Variants in CSMD1 observed in about 807,000 individuals in gnomAD.
CSMD1 encodes the protein CUB and Sushi multiple domains 1.
Under a neutral mutation model 417.5 loss-of-function variants are expected in CSMD1, and 213 were observed. The ratio of observed to expected loss-of-function variants is 0.51; its 90% CI spans 0.46 to 0.57. The LOEUF is 0.57. Ranked by LOEUF, CSMD1 falls within the 20% of genes least tolerant of loss-of-function variation. The pLI, the probability that CSMD1 is intolerant of heterozygous loss-of-function variation, is 0.00. For missense variants in CSMD1, 6,923 were observed against 4,529.7 expected (o/e 1.53, Z -15.17); for synonymous variants, 2,862 against 1,736.8 (o/e 1.65, Z -16.11).
chr8:4,941,690 T>C (rs1563824454), intron 1 of CSMD1, among the ~76,000 whole-genome samples: 1 of 151,996 alleles, frequency 6.6e-6, no homozygotes, highest in East Asian at 1.9e-4. Flanking sequence ...CCTCGATCCC[T>C]CTAGCTCAAG....
chr8:4,303,357 C>G (rs1231368527), intron 3 of CSMD1, among the ~76,000 whole-genome samples: 2 of 150,898 alleles, frequency 1.3e-5, no homozygotes, highest in Non-Finnish European at 2.9e-5. Context: ...CTTCCATCAC[C>G]AAAATCTTCA....
intron 3 of CSMD1, among the ~76,000 whole-genome samples, chr8:4,106,502 G>A (rs1182297751): frequency 6.6e-6 from 1 of 152,050 alleles, no homozygotes; most frequent in Non-Finnish European, 1.5e-5. Flanking sequence ...CTGTTCAATA[G>A]AAACAGAATG....
chr8:3,441,143 G>C (rs1013166509), intron 12 of CSMD1, among the ~76,000 whole-genome samples: 2 of 152,078 alleles, frequency 1.3e-5, no homozygotes, highest in Admixed American at 6.6e-5. Context: ...GTTAGCTGAG[G>C]AGCATAGGAG....
At chr8:3,433,140 A>T (rs960060750) in intron 12 of CSMD1, among the ~76,000 whole-genome samples, 3 of 152,226 alleles carry the variant, frequency 2.0e-5, no homozygotes, top group African/African-American at 7.2e-5. Flanking sequence ...GCATTTTGAT[A>T]AACATGGTGG....
chr8:3,794,707 C>T (rs1219986464), intron 5 of CSMD1, among the ~76,000 whole-genome samples: 1 of 151,982 alleles, frequency 6.6e-6, no homozygotes, highest in Non-Finnish European at 1.5e-5. Flanking sequence ...TGACTGTAAA[C>T]CTAGCAAAAC....
At chr8:4,987,912 C>T (rs895688003) in intron 1 of CSMD1, among the ~76,000 whole-genome samples, 2 of 152,142 alleles carry the variant, frequency 1.3e-5, no homozygotes. Flanking sequence ...AGTGGTTTTC[C>T]GGGGTGTCTT....
At chr8:3,339,183 G>A (rs1327046939) in intron 23 of CSMD1, among the ~76,000 whole-genome samples, 3 of 151,932 alleles carry the variant, frequency 2.0e-5, no homozygotes, top group Non-Finnish European at 4.4e-5. Flanking sequence ...TTTTATGGCT[G>A]CATAGTATTC....
Position 2,951,172 on chromosome 8 carries a change from T to C in CSMD1, c.10143A>G (p.Thr3381=). 1 of 1,613,648 alleles carries C rather than the reference T, an allele frequency of 6.2e-7. No homozygotes were observed. The highest frequency in any genetic ancestry group is 8.5e-7 in the Non-Finnish European group (1 of 1,179,674). Reference sequence around the variant, plus strand: ...TGAAGGTGGCATTCACCTTACTGCTTGTTGCATTGAACCAGTCAACAGTTA... The same window carrying C: ...TGAAGGTGGCATTCACCTTACTGCTCGTTGCATTGAACCAGTCAACAGTTA... ...ATLTVDWFNA[T]SSKVNATFSE... Residue 3381 remains threonine, a synonymous_variant, in exon 66 of 70, where the codon ACA becomes ACG. Coordinates refer to ENST00000635120, the MANE Select transcript of CSMD1 (RefSeq NM_033225.6).
chr8:3,142,702 A>G, intron 40 of CSMD1, 28 bp from the exon 41 acceptor site: 1 of 1,535,994 alleles, frequency 6.5e-7, no homozygotes, highest in Non-Finnish European at 9.0e-7. Context: ...AACTTAATGA[A>G]AGTTCATATC....
At chr8:3,291,451 G>T (rs577820900) in intron 25 of CSMD1, among the ~76,000 whole-genome samples, 1 of 152,198 alleles carries the variant, frequency 6.6e-6, no homozygotes, top group Non-Finnish European at 1.5e-5. Context: ...GAATCCATCT[G>T]GTCCTCGACT....
chr8:4,635,948 G>GA (rs1053229760), intron 2 of CSMD1, among the ~76,000 whole-genome samples: 6 of 151,348 alleles, frequency 4.0e-5, no homozygotes, highest in African/African-American at 9.7e-5. Context: ...AGATGACTCA[G>GA]AAAAAAAACT....
Position 4,697,250 on chromosome 8 carries a change from A to G in CSMD1, c.86-59692T>C, listed in dbSNP as rs192828562. Among the ~76,000 whole-genome samples the G allele has an allele frequency of 3.1e-3, 478 of 152,324 alleles. 1 individual carries two copies. The highest frequency in any genetic ancestry group is 0.01 in the Middle Eastern group (3 of 294). On this transcript the variant is annotated intron_variant, in intron 1 of 69. Coordinates refer to ENST00000635120, the MANE Select transcript of CSMD1 (RefSeq NM_033225.6). The stretch of plus-strand genomic sequence containing the variant: ...TGATTCTAGAACAGAACCTTGCTGT[A>G]AAGGCCCTTAGAACATATAGCAAGA...
chr8:4,563,926 C>G (rs368385794), intron 2 of CSMD1, among the ~76,000 whole-genome samples: 1 of 152,112 alleles, frequency 6.6e-6, no homozygotes, highest in Non-Finnish European at 1.5e-5. Context: ...TAGCACAGTT[C>G]CACAGAATAA....
chr8:4,554,963 T>A (rs1585242977), intron 2 of CSMD1, among the ~76,000 whole-genome samples: 1 of 152,278 alleles, frequency 6.6e-6, no homozygotes, highest in African/African-American at 2.4e-5. Context: ...CCAAGCCTGC[T>A]GGAGGGGCCA....
At chr8:3,568,512 C>A (rs1403240782) in intron 10 of CSMD1, among the ~76,000 whole-genome samples, 1 of 152,042 alleles carries the variant, frequency 6.6e-6, no homozygotes, top group Non-Finnish European at 1.5e-5. Flanking sequence ...TTAATAGCAA[C>A]AAAAGTATTG....
At chr8:4,362,272 C>A (rs539351563) in intron 3 of CSMD1, among the ~76,000 whole-genome samples, 67 of 152,166 alleles carry the variant, frequency 4.4e-4, no homozygotes, top group Non-Finnish European at 7.6e-4. Flanking sequence ...AACCAGAACA[C>A]AAGCAGTGGA....
chr8:3,115,447 C>A (rs1172315721), intron 42 of CSMD1, among the ~76,000 whole-genome samples: 1 of 152,138 alleles, frequency 6.6e-6, no homozygotes, highest in African/African-American at 2.4e-5. Context: ...GGTGATCCAC[C>A]CACCTCGGTC....
chr8:4,982,189 C>T (rs952882707), intron 1 of CSMD1, among the ~76,000 whole-genome samples: 1 of 152,160 alleles, frequency 6.6e-6, no homozygotes, highest in Non-Finnish European at 1.5e-5. Flanking sequence ...TGCACAGACC[C>T]CTGACCCACG....
At chr8:4,263,471 A>C (rs1001505967) in intron 3 of CSMD1, among the ~76,000 whole-genome samples, 1 of 152,198 alleles carries the variant, frequency 6.6e-6, no homozygotes, top group Admixed American at 6.5e-5. Context: ...TGTTCCTTCC[A>C]AACTAGTCCA....
Sources: allele counts gnomAD v4.1 joint callset (sites outside exome capture counted in the v4.1 genomes callset), GRCh38; gene constraint gnomAD v4.1.1; transcripts MANE v1.5; gene names NCBI Gene and HGNC (gene_info 2026-07-23, HGNC 2026-07-21).